Variants in KIF16B observed in about 807,000 individuals in gnomAD.
KIF16B encodes the protein kinesin-like protein KIF16B.
Under a neutral mutation model 156.3 loss-of-function variants are expected in KIF16B, and 98 were observed. That is an observed-to-expected ratio of 0.63 (90% CI 0.53 to 0.74). The LOEUF (loss-of-function observed/expected upper bound fraction) is 0.74, where lower values mean the gene tolerates loss of function less well. Among genes scored for constraint, KIF16B ranks in the 30% least tolerant of loss-of-function variants. The probability of loss-of-function intolerance (pLI) is 0.00; values close to 1 mark genes in which losing one functional copy is unlikely to be tolerated. For synonymous variants in KIF16B, 564 were observed against 583.7 expected (o/e 0.97, Z 0.49); for missense variants, 1,421 against 1,606.5 (o/e 0.88, Z 1.97).
chr20:16,506,471 C>A (rs1202457664), intron 7 of KIF16B, among the ~76,000 whole-genome samples: 1 of 152,198 alleles, frequency 6.6e-6, no homozygotes, highest in South Asian at 2.1e-4. Context: ...AAACTAGGCA[C>A]TGAGTGGCAC....
chr20:16,370,582 C>T lies in KIF16B; in HGVS notation c.3498+4G>A, dbSNP rs754097610. The T allele has an allele frequency of 6.4e-7, 1 of 1,573,058 alleles. No homozygotes were observed. ...CCCTATCAATCTGAAAAATCATTAC[C>T]TACCTCATATTTTAGTTTACGTTGA... On this transcript the variant is annotated splice_donor_region_variant and intron_variant, in intron 22 of 25. Coordinates refer to ENST00000354981, the MANE Select transcript of KIF16B (RefSeq NM_024704.5).
In KIF16B at chr20:16,549,817, C is replaced by G. The variant is rs1286762516; in HGVS notation, c.48-21377G>C. ...ATATGTAGGAAGCTGAAACTGGATCCCTTCCTTACACCTTATACAAAAATC... is the reference window on the plus strand; with the variant it reads ...ATATGTAGGAAGCTGAAACTGGATCGCTTCCTTACACCTTATACAAAAATC... On this transcript the variant is annotated intron_variant, in intron 1 of 25. Transcript: ENST00000354981. Among the ~76,000 whole-genome samples, 389 of 118,156 alleles carry G rather than the reference C, an allele frequency of 3.3e-3. 2 individuals are homozygous for G. The highest frequency in any genetic ancestry group is 0.012 in the African/African-American group (350 of 29,904). The allele number at this position is 118,156 out of a possible 152,430, so 77.5% of individuals were successfully genotyped here.
At chr20:16,345,225 A>G (rs2064210533) in intron 23 of KIF16B, among the ~76,000 whole-genome samples, 1 of 152,170 alleles carries the variant, frequency 6.6e-6, no homozygotes, top group Non-Finnish European at 1.5e-5. Flanking sequence ...CTCTTCCCAC[A>G]CTTAATTGTC....
Position 16,504,652 on chromosome 20 carries a change from G to A in KIF16B, c.1001-105C>T, listed in dbSNP as rs186287638. ...GTCAGATTAACCCCAGGTCATTGGA[G>A]AGACTAAATATTCATTGCCACAGTA... On this transcript the variant is annotated intron_variant, in intron 9 of 25. Transcript: ENST00000354981. 1.4e-3 allele frequency: 1,176 copies of A among 858,486 alleles called. 1 individual carries two copies. The highest frequency in any genetic ancestry group is 1.1e-3 in the Non-Finnish European group (582 of 537,088). The allele number at this position is 858,486 out of a possible 1,614,324, so 53.2% of individuals were successfully genotyped here. A position where few individuals can be genotyped will look rare whatever the true frequency, so the allele number is the denominator to read the frequency against.
chr20:16,376,255 G>A (rs1452997255), intron 19 of KIF16B, among the ~76,000 whole-genome samples: 1 of 152,192 alleles, frequency 6.6e-6, no homozygotes, highest in Non-Finnish European at 1.5e-5. Flanking sequence ...ATGGTGATGG[G>A]AGGTATTTCT....
At chr20:16,384,267 C>T (rs183241930) in intron 17 of KIF16B, among the ~76,000 whole-genome samples, 3 of 152,324 alleles carry the variant, frequency 2.0e-5, no homozygotes, top group East Asian at 3.9e-4. Flanking sequence ...GATGTGGTCC[C>T]TGTCCCCACC....
intron 12 of KIF16B, among the ~76,000 whole-genome samples, chr20:16,491,682 C>A (rs2068296743): frequency 6.6e-6 from 1 of 152,142 alleles, no homozygotes. Context: ...GACTAACATC[C>A]AAGTTCTGAG....
chr20:16,486,524 A>G (rs989088677), intron 12 of KIF16B, among the ~76,000 whole-genome samples: 2 of 152,032 alleles, frequency 1.3e-5, no homozygotes, highest in African/African-American at 4.8e-5. Context: ...CTTACAGGAA[A>G]TTTACTGAGA....
At chr20:16,544,422 C>T (rs1215609638) in intron 1 of KIF16B, among the ~76,000 whole-genome samples, 3 of 151,990 alleles carry the variant, frequency 2.0e-5, no homozygotes. Flanking sequence ...CCAGCCTGGC[C>T]ACCACGGTGA....
chr20:16,379,297 A>T lies in KIF16B; in HGVS notation c.2705T>A (p.Leu902Gln), dbSNP rs759865313. 1 of 1,613,236 alleles carries T rather than the reference A, an allele frequency of 6.2e-7. No homozygotes were observed. ...CTGTAGCTGGCGTTCTTTATATTGC[A>T]GCCTGTACTCCACTGGCTTTATTTT... ...FEKIKPVEYR[L>Q]QYKERQLQYL... The change falls in exon 19 of 26, where the codon CTG becomes CAG. Residue 902 changes from leucine (L) to glutamine (Q), a missense_variant. Leu to Gln is a moderately radical substitution (Grantham distance 113). Transcript: ENST00000354981.
chr20:16,394,899 T>C (rs1451997412), intron 17 of KIF16B, among the ~76,000 whole-genome samples: 1 of 152,082 alleles, frequency 6.6e-6, no homozygotes, highest in East Asian at 2.0e-4. Context: ...CAGCAGATTC[T>C]GTTTCTGAAG....
At chr20:16,509,512 G>A (rs912588382) in intron 6 of KIF16B, among the ~76,000 whole-genome samples, 2 of 152,192 alleles carry the variant, frequency 1.3e-5, no homozygotes, top group Non-Finnish European at 2.9e-5. Context: ...CCAAAGATGG[G>A]TGACAAATGT....
intron 3 of KIF16B, among the ~76,000 whole-genome samples, chr20:16,518,970 T>C (rs747595470): frequency 7.9e-5 from 12 of 152,172 alleles, no homozygotes; most frequent in Non-Finnish European, 8.8e-5. Context: ...GACCTTCCAG[T>C]GGCATCTCCA....
chr20:16,566,077 TA>T (rs1251152703), intron 1 of KIF16B, among the ~76,000 whole-genome samples: 11 of 152,266 alleles, frequency 7.2e-5, no homozygotes, highest in African/African-American at 2.4e-4. Flanking sequence ...TTCTTCGGTA[TA>T]TTTTTCTGCA....
At chr20:16,303,236 T>C (rs2063497170) in intron 25 of KIF16B, among the ~76,000 whole-genome samples, 1 of 152,242 alleles carries the variant, frequency 6.6e-6, no homozygotes, top group Non-Finnish European at 1.5e-5. Flanking sequence ...CACAGAGAAG[T>C]AACTTGTCCA....
At chr20:16,568,237 G>T (rs544972872) in intron 1 of KIF16B, among the ~76,000 whole-genome samples, 1 of 151,042 alleles carries the variant, frequency 6.6e-6, no homozygotes, top group East Asian at 1.9e-4. Flanking sequence ...AGGAAGAAAG[G>T]CTAGGAACAG....
intron 12 of KIF16B, among the ~76,000 whole-genome samples, chr20:16,455,147 A>G (rs1221580506): frequency 6.6e-6 from 1 of 152,210 alleles, no homozygotes; most frequent in Non-Finnish European, 1.5e-5. Flanking sequence ...GCCAAAGATG[A>G]GGGACATAAA....
At chr20:16,384,169 G>A (rs533577176) in intron 17 of KIF16B, among the ~76,000 whole-genome samples, 5 of 152,244 alleles carry the variant, frequency 3.3e-5, no homozygotes, top group African/African-American at 1.2e-4. Context: ...TATCTAAAGT[G>A]ACATTTTAAC....
rs1810344402 is a variant in KIF16B at position 16,442,097 on chromosome 20, AAGCTGG to A, written c.1303-12121_1303-12116del. Among the ~76,000 whole-genome samples the A allele has an allele frequency of 3.3e-5, 5 of 152,292 alleles. No individual in the cohort carries two copies. The South Asian group carries it at 6.2e-4, about 19-fold the overall frequency. Reference sequence around the variant, plus strand: ...AGACAAATTGACATGTGGTTACCAGAAGCTGGAGTGGTTGTAGGAGAGGGTTGGGGA... The same window carrying A: ...AGACAAATTGACATGTGGTTACCAGAAGTGGTTGTAGGAGAGGGTTGGGGA... On this transcript the variant is annotated intron_variant, in intron 12 of 25. Transcript: ENST00000354981.
Sources: allele counts gnomAD v4.1 joint callset (sites outside exome capture counted in the v4.1 genomes callset), GRCh38; gene constraint gnomAD v4.1.1; transcripts MANE v1.5; gene names NCBI Gene and HGNC (gene_info 2026-07-23, HGNC 2026-07-21).